Variants in PCNX2 observed in about 807,000 individuals in gnomAD.
PCNX2 encodes the protein pecanex 2.
A neutral mutation model predicts 223.8 loss-of-function variants in PCNX2; 168 were observed. The ratio of observed to expected loss-of-function variants is 0.75; its 90% CI spans 0.66 to 0.85. The LOEUF (loss-of-function observed/expected upper bound fraction) is 0.85. PCNX2 is among the 40% of genes least tolerant of loss of function. PCNX2 has a pLI of 0.00. For synonymous variants in PCNX2, 1,006 were observed against 1,052.6 expected (o/e 0.96, Z 0.86); for missense variants, 2,507 against 2,675.5 (o/e 0.94, Z 1.39).
chr1:233,213,161 C>T (rs1330580231), intron 12 of PCNX2, among the ~76,000 whole-genome samples: 1 of 152,162 alleles, frequency 6.6e-6, no homozygotes. Flanking sequence ...TATATATGTT[C>T]CTTGGATTTC....
intron 8 of PCNX2, among the ~76,000 whole-genome samples, chr1:233,242,445 A>G (rs1359954412): frequency 6.6e-6 from 1 of 152,196 alleles, no homozygotes; most frequent in Non-Finnish European, 1.5e-5. Context: ...ATGAATGTAA[A>G]TATCATGTCT....
At chr1:233,297,833 C>T (rs1330386823), upstream of PCNX2, among the ~76,000 whole-genome samples, 1 of 152,138 alleles carries the variant, frequency 6.6e-6, no homozygotes, top group Non-Finnish European at 1.5e-5. Flanking sequence ...TGCTGAACAC[C>T]TGAACCAGCA....
chr1:233,306,758 C>T, the PCNX2 span, among the ~76,000 whole-genome samples: 4 of 151,814 alleles, frequency 2.6e-5, no homozygotes, highest in Non-Finnish European at 5.9e-5. Context: ...TTGATTTTCC[C>T]TTGGTGTGTT....
At chr1:233,047,465 C>G (rs1355459306) in intron 25 of PCNX2, 1 of 881,474 alleles carries the variant, frequency 1.1e-6, no homozygotes, top group East Asian at 1.2e-4. Context: ...AACTACAACT[C>G]ATAATTCAAC....
chr1:232,986,303 C>G lies in PCNX2; in HGVS notation c.6029G>C (p.Arg2010Pro). The G allele has an allele frequency of 6.3e-7, 1 of 1,576,788 alleles. No individual in the cohort carries two copies. Among genetic ancestry groups the G allele is most frequent in the South Asian group, 1.2e-5 (1 of 85,978 alleles). Residue 2010 changes from arginine (R) to proline (P), a missense_variant, in exon 33 of 34, where the codon CGT becomes CCT. Arg to Pro is a moderately radical substitution (Grantham distance 103). Around this residue, in one of 3 missense-constraint regions of PCNX2, gnomAD observed 1,372 missense variants for 1,509.4 expected, o/e 0.91. Transcript: ENST00000258229. ...CCTGATGAGCGCCTCGGCCCGCTCA[C>G]GGACACTCAGGTGGCCGGTGGTGGT... ...PVTTTGHLSV[R>P]ERAEALIRSS... is the part of the protein sequence containing the mutation.
At chr1:233,134,245 C>A (rs77493563) in intron 21 of PCNX2, among the ~76,000 whole-genome samples, 1 of 152,066 alleles carries the variant, frequency 6.6e-6, no homozygotes, top group Non-Finnish European at 1.5e-5. Flanking sequence ...AAGAGTTGTT[C>A]CAAATTTCTT....
Position 233,267,081 on chromosome 1 carries a change from G to A in PCNX2, c.154-3918C>T, listed in dbSNP as rs915818703. 2.6e-5 allele frequency among the ~76,000 whole-genome samples: 4 copies of A among 152,146 alleles called. No individual in the cohort carries two copies. The South Asian group carries it at 6.2e-4, about 24-fold the overall frequency. ...CACCTGTAATCCCAGCACTTTGGGA[G>A]GCCAAGGTGGGCGGATCACCTAAGG... On this transcript the variant is annotated intron_variant, in intron 1 of 33. Transcript: ENST00000258229.
At chr1:233,050,155 T>C (rs1213994581) in intron 25 of PCNX2, among the ~76,000 whole-genome samples, 1 of 151,742 alleles carries the variant, frequency 6.6e-6, no homozygotes, top group African/African-American at 2.4e-5. Context: ...GGTTGATGGG[T>C]GCAGCAAACC....
chr1:232,990,973 G>A lies in PCNX2; in HGVS notation c.5792-4433C>T, dbSNP rs1669677893. Among the ~76,000 whole-genome samples, 1 of 152,234 alleles carries A rather than the reference G, an allele frequency of 6.6e-6. No individual in the cohort carries two copies. Among genetic ancestry groups the A allele is most frequent in the Non-Finnish European group, 1.5e-5 (1 of 68,042 alleles). ...CAGGATGTGGGGAGAGTGGGGAAGA[G>A]GGTGGTGTGGTCTTCACATGTGCTC... On this transcript the variant is annotated intron_variant, in intron 32 of 33. Coordinates refer to ENST00000258229, the MANE Select transcript of PCNX2 (RefSeq NM_014801.4). This position sits in a 1 kb window ranked among gnomAD's most constrained non-coding sequence, Gnocchi z 4.3.
intron 1 of PCNX2, among the ~76,000 whole-genome samples, chr1:233,273,716 C>T (rs1315655730): frequency 6.6e-6 from 1 of 151,862 alleles, no homozygotes; most frequent in Non-Finnish European, 1.5e-5. Flanking sequence ...TTCCTCCTCT[C>T]GGGTTCAAGC....
chr1:233,119,403 C>CAAAAAAAAAAAAAAAA (rs71173251), intron 21 of PCNX2, among the ~76,000 whole-genome samples: 7 of 38,630 alleles, frequency 1.8e-4, no homozygotes, highest in African/African-American at 3.4e-4. Context: ...ACTAAAAATA[C>CAAAAAAAAAAAAAAAA]AAAAAAAAAA....
At chr1:233,219,850 G>A (rs979304467) in intron 10 of PCNX2, among the ~76,000 whole-genome samples, 1 of 151,986 alleles carries the variant, frequency 6.6e-6, no homozygotes, top group African/African-American at 2.4e-5. Flanking sequence ...GTGTACATTG[G>A]GTTTTGACAA....
At position 233,000,592 on chromosome 1, in the gene PCNX2, G is replaced by A; in HGVS notation, c.5098-57C>T. 1 of 1,439,288 alleles carries A rather than the reference G, an allele frequency of 6.9e-7. No homozygotes were observed. The allele number at this position is 1,439,288 out of a possible 1,614,324, so 89.2% of individuals were successfully genotyped here. A position where few individuals can be genotyped will look rare whatever the true frequency, so the allele number is the denominator to read the frequency against. On this transcript the variant is annotated intron_variant, in intron 29 of 33. Coordinates refer to ENST00000258229, the MANE Select transcript of PCNX2 (RefSeq NM_014801.4). The surrounding 1 kb of genome is among the most constrained non-coding windows in gnomAD (Gnocchi z 4.6). ...CAAGGACCAGAGGAACTCACCCCCA[G>A]GAAGCATGCAGATGGCAACTGGCCA...
rs1035753460 is a variant in PCNX2, at chr1:233,295,376, G to A, written c.103C>T (p.His35Tyr). Residue 35 changes from histidine (H) to tyrosine (Y), a missense_variant, in exon 1 of 34, where the codon CAC becomes TAC. Physicochemically the swap from His to Tyr is moderately conservative, Grantham distance 83. This residue lies in a region of PCNX2 where 1,031 missense variants were observed against 1,021.7 expected (regional missense o/e 1.01). Transcript: ENST00000258229. The surrounding 1 kb of genome is among the most constrained non-coding windows in gnomAD (Gnocchi z 4.1). The stretch of plus-strand genomic sequence containing the variant: ...AGGAGGAACAGCCACAGGTAGAGGT[G>A]GCAGCTGTTGGTGAACTTGCTCTGC... ...PEQSKFTNSC[H>Y]LYLWLFLLLL... 1.0e-5 allele frequency: 16 copies of A among 1,561,220 alleles called. No individual in the cohort carries two copies. The highest frequency in any genetic ancestry group is 1.3e-5 in the Non-Finnish European group (15 of 1,152,410).
the PCNX2 span, among the ~76,000 whole-genome samples, chr1:233,306,563 C>T: frequency 7.9e-4 from 120 of 152,072 alleles, no homozygotes; most frequent in Non-Finnish European, 1.3e-3. Context: ...TGAAAAGGCT[C>T]GAAAGAGGAC....
rs1376159845 is a variant in PCNX2 at position 233,200,232 on chromosome 1, G to A, written c.2896C>T (p.Leu966Phe). 6.3e-7 allele frequency: 1 copy of A among 1,589,058 alleles called. No individual in the cohort carries two copies. Residue 966 changes from leucine (L) to phenylalanine (F), a missense_variant, in exon 14 of 34, where the codon CTT becomes TTT. Around this residue, in one of 3 missense-constraint regions of PCNX2, gnomAD observed 1,372 missense variants for 1,509.4 expected, o/e 0.91. Transcript: ENST00000258229. ...GTGTTGATTTGCGGGAAGAGCCCAA[G>A]GAGGGAAATAGCAGGGAAGCAATAT... is the stretch of plus-strand genomic sequence containing the variant. ...FLYCFPAISL[L>F]GLFPQINTFC...
At chr1:233,117,837 C>A (rs1003991113) in intron 21 of PCNX2, among the ~76,000 whole-genome samples, 1 of 150,878 alleles carries the variant, frequency 6.6e-6, no homozygotes, top group African/African-American at 2.4e-5. Flanking sequence ...GGTGAAACCC[C>A]GTCTCTACTA....
rs1676087067 is a variant in PCNX2, at chr1:233,126,187, G to A, written c.3837+8826C>T. 6.6e-6 allele frequency: 1 copy of A among 151,838 alleles called. No individual in the cohort carries two copies. The highest frequency in any genetic ancestry group is 1.5e-5 in the Non-Finnish European group (1 of 68,026). 9.4% of individuals were successfully genotyped at this position (151,838 alleles called of 1,614,324 possible). On this transcript the variant is annotated intron_variant, in intron 21 of 33. Transcript: ENST00000258229. This position sits in a 1 kb window ranked among gnomAD's most constrained non-coding sequence, Gnocchi z 4.8. ...ATCACGCCACTGCACTCCAGCCTGG[G>A]TGACAGGGCAAGACTCCGTCTAAAA...
intron 25 of PCNX2, among the ~76,000 whole-genome samples, chr1:233,026,503 C>A (rs188349983): frequency 6.6e-6 from 1 of 152,046 alleles, no homozygotes; most frequent in African/African-American, 2.4e-5. Flanking sequence ...AAAGGACTGT[C>A]GAGGGAACAA....
Sources: allele counts gnomAD v4.1 joint callset (sites outside exome capture counted in the v4.1 genomes callset), GRCh38; gene constraint gnomAD v4.1.1; regional missense constraint gnomAD v4.1.1; non-coding constraint Gnocchi (gnomAD v3.1); transcripts MANE v1.5; gene names NCBI Gene and HGNC (gene_info 2026-07-23, HGNC 2026-07-21).